The following MAGI2 variants were observed in gnomAD, a reference collection of about 807,000 sequenced individuals.
MAGI2 encodes the protein membrane associated guanylate kinase, WW and PDZ domain containing 2, also known as membrane-associated guanylate kinase, WW and PDZ domain-containing protein 2.
A neutral mutation model predicts 133.3 loss-of-function variants in MAGI2; 35 were observed. That is an observed-to-expected ratio of 0.26 (90% confidence interval 0.20 to 0.35). The LOEUF is 0.35. Ranked by LOEUF, MAGI2 falls within the 10% of genes least tolerant of loss-of-function variation. The pLI is 1.00. For synonymous variants in MAGI2, 729 were observed against 710.6 expected (o/e 1.03, Z -0.41); for missense variants, 1,636 against 1,863.4 (o/e 0.88, Z 2.25).
intron 16 of MAGI2, among the ~76,000 whole-genome samples, chr7:78,136,465 A>G (rs1584090359): frequency 6.6e-6 from 1 of 152,184 alleles, no homozygotes; most frequent in East Asian, 1.9e-4. Flanking sequence ...AGAGCCACAC[A>G]CATGGGAATA....
chr7:78,077,674 A>C (rs1474619833), intron 21 of MAGI2, among the ~76,000 whole-genome samples: 1 of 151,364 alleles, frequency 6.6e-6, no homozygotes, highest in Admixed American at 6.6e-5. Context: ...TTAGCTATTT[A>C]GACAATGTAT....
In MAGI2 at chr7:78,853,746, T is replaced by C. The variant is rs377711207; in HGVS notation, c.418+153344A>G. Among the ~76,000 whole-genome samples the C allele has an allele frequency of 3.5e-4, 54 of 152,170 alleles. No homozygotes were observed. In the South Asian group the frequency reaches 0.011, roughly 30 times the overall value. ...TTTAAATGAAAGTAAAAAGTTTACATTAGTCGTCTGTGCAGGACCTGTGGA... is the reference window on the plus strand; with the variant it reads ...TTTAAATGAAAGTAAAAAGTTTACACTAGTCGTCTGTGCAGGACCTGTGGA... On this transcript the variant is annotated intron_variant, in intron 2 of 21. Coordinates refer to ENST00000354212, the MANE Select transcript of MAGI2 (RefSeq NM_012301.4).
At chr7:78,902,411 A>C (rs1182674762) in intron 2 of MAGI2, 1 of 152,186 alleles carries the variant, frequency 6.6e-6, no homozygotes, top group Non-Finnish European at 1.5e-5. Context: ...TTTGCTTTCA[A>C]ACCAAACCAT....
At chr7:79,450,922 A>G (rs1849195986) in intron 1 of MAGI2, among the ~76,000 whole-genome samples, 1 of 152,158 alleles carries the variant, frequency 6.6e-6, no homozygotes, top group Non-Finnish European at 1.5e-5. Context: ...CAAATTTCTC[A>G]TAGATTTATC....
rs1364744012 is a variant in MAGI2, at chr7:79,399,089, TC to T, written c.301+53930del. ...TCACTAGTATTATTTCTTTTTTTTT[TC>T]TTTTCTTTTTTTTTTTTTTTGGGAG... On this transcript the variant is annotated intron_variant, in intron 1 of 21. Transcript: ENST00000354212. Among the ~76,000 whole-genome samples, 120 of 136,312 alleles carry T rather than the reference TC, an allele frequency of 8.8e-4. 1 individual carries two copies. The highest frequency in any genetic ancestry group is 3.4e-3 in the African/African-American group (107 of 31,608). The allele number at this position is 136,312 out of a possible 152,430, so 89.4% of individuals were successfully genotyped here.
intron 2 of MAGI2, among the ~76,000 whole-genome samples, chr7:78,693,068 G>A (rs1817134950): frequency 6.6e-6 from 1 of 152,086 alleles, no homozygotes; most frequent in African/African-American, 2.4e-5. Context: ...AGTGCACCAG[G>A]GAGGCAGCAT....
chr7:79,125,385 TG>T, intron 1 of MAGI2: 1 of 481,698 alleles, frequency 2.1e-6, no homozygotes, highest in Admixed American at 2.2e-5. Flanking sequence ...ACTTTGGTCA[TG>T]GAGGAAACCT....
chr7:78,538,924 C>T (rs910383409), intron 3 of MAGI2, among the ~76,000 whole-genome samples: 21 of 152,162 alleles, frequency 1.4e-4, no homozygotes, highest in African/African-American at 5.1e-4. Context: ...AGAATACTAC[C>T]TCACATCTCA....
At chr7:79,229,570 G>T (rs528684997) in intron 1 of MAGI2, among the ~76,000 whole-genome samples, 2 of 152,120 alleles carry the variant, frequency 1.3e-5, no homozygotes, top group African/African-American at 4.8e-5. Flanking sequence ...TAGCTTGAGA[G>T]TTATTTCTAC....
At position 78,501,687 on chromosome 7, in the gene MAGI2, C is replaced by T. The variant is rs1794639091; in HGVS notation, c.855G>A (p.Glu285=). The T allele has an allele frequency of 6.2e-7, 1 of 1,614,118 alleles. No homozygotes were observed. The highest frequency in any genetic ancestry group is 8.5e-7 in the Non-Finnish European group (1 of 1,180,024). Residue 285 remains glutamate (E), a synonymous_variant, in exon 5 of 22, where the codon GAG becomes GAA. Transcript: ENST00000354212. ...TAGTTGGCTTTGTGTCATCCATCTGCTCCTTCAGCTCCTCAGGCTGACTGT... is the reference window on the plus strand; with the variant it reads ...TAGTTGGCTTTGTGTCATCCATCTGTTCCTTCAGCTCCTCAGGCTGACTGT... ...PVYSQPEELK[E]QMDDTKPTKP...
intron 2 of MAGI2, among the ~76,000 whole-genome samples, chr7:78,975,297 A>G (rs1804150429): frequency 6.6e-6 from 1 of 151,812 alleles, no homozygotes; most frequent in African/African-American, 2.4e-5. Context: ...ATGCACTTTA[A>G]TAAAATGATA....
In MAGI2 at chr7:79,160,994, T is replaced by C. The variant is rs145291584; in HGVS notation, c.302-153788A>G. On this transcript the variant is annotated intron_variant, in intron 1 of 21. Coordinates refer to ENST00000354212, the MANE Select transcript of MAGI2 (RefSeq NM_012301.4). ...CTCCCTACTGGGAATCCCAAACTCC[T>C]TTTCACCAGAAAAGGTAAAATGGTC... is the stretch of plus-strand genomic sequence containing the variant. Among the ~76,000 whole-genome samples, 1,361 of 151,990 alleles carry C rather than the reference T, an allele frequency of 9.0e-3. 20 individuals carry two copies. The highest frequency in any genetic ancestry group is 0.031 in the African/African-American group (1,269 of 41,504).
At chr7:78,464,711 T>A (rs1790433414) in intron 6 of MAGI2, among the ~76,000 whole-genome samples, 1 of 149,834 alleles carries the variant, frequency 6.7e-6, no homozygotes, top group Admixed American at 6.7e-5. Context: ...GTCAAATACT[T>A]TTTTTACAAA....
At chr7:78,815,188 C>A (rs896990445) in intron 2 of MAGI2, among the ~76,000 whole-genome samples, 1 of 152,114 alleles carries the variant, frequency 6.6e-6, no homozygotes, top group Non-Finnish European at 1.5e-5. Context: ...TTTTGCACTT[C>A]AAGGAGCTGC....
chr7:78,538,348 T>G (rs1034497209), intron 3 of MAGI2, among the ~76,000 whole-genome samples: 7 of 152,218 alleles, frequency 4.6e-5, no homozygotes, highest in Non-Finnish European at 7.3e-5. Context: ...GGTTGTCTTT[T>G]CTAGTTCTGT....
At chr7:78,351,502 G>A (rs1409953922) in intron 7 of MAGI2, among the ~76,000 whole-genome samples, 1 of 151,746 alleles carries the variant, frequency 6.6e-6, no homozygotes, top group Non-Finnish European at 1.5e-5. Flanking sequence ...GGAGTGAGAG[G>A]ACTGGCTTGG....
At chr7:79,184,528 TG>T (rs1196447092) in intron 1 of MAGI2, among the ~76,000 whole-genome samples, 2 of 151,698 alleles carry the variant, frequency 1.3e-5, no homozygotes, top group African/African-American at 4.8e-5. Context: ...TGTTTTACTA[TG>T]TTCACTCTAT....
intron 9 of MAGI2, among the ~76,000 whole-genome samples, chr7:78,313,766 A>G (rs1471137600): frequency 6.6e-6 from 1 of 152,116 alleles, no homozygotes; most frequent in African/African-American, 2.4e-5. Context: ...CTTTTCAGAG[A>G]CGGAAAAAAA....
At chr7:79,219,768 T>C (rs750057915) in intron 1 of MAGI2, among the ~76,000 whole-genome samples, 15 of 152,054 alleles carry the variant, frequency 9.9e-5, no homozygotes, top group Non-Finnish European at 2.2e-4. Context: ...CTGTGCTCAG[T>C]ATTTGAGAGT....
Sources: gnomAD v4.1 joint callset for allele counts (sites outside exome capture counted in the v4.1 genomes callset) on GRCh38, gnomAD v4.1.1 for gene constraint, MANE v1.5 for transcripts, NCBI Gene and HGNC (gene_info 2026-07-23, HGNC 2026-07-21) for gene names.